ASAP2: variants seen among roughly 807,000 people sequenced by gnomAD.
The protein encoded by ASAP2 is ArfGAP with SH3 domain, ankyrin repeat and PH domain 2.
Under a neutral mutation model 131.4 loss-of-function variants are expected in ASAP2, and 45 were observed. The ratio of observed to expected loss-of-function variants is 0.34; its 90% CI spans 0.27 to 0.44. The LOEUF (loss-of-function observed/expected upper bound fraction) is 0.44, where lower values mean the gene tolerates loss of function less well. Among genes scored for constraint, ASAP2 ranks in the 20% least tolerant of loss-of-function variants. ASAP2 has a pLI of 1.00. For missense variants in ASAP2, 1,011 were observed against 1,297.0 expected, an observed-to-expected ratio of 0.78 and a Z score of 3.39; for synonymous variants, 510 against 503.0, an observed-to-expected ratio of 1.01 and a Z score of -0.19.
At chr2:9,245,142 TA>T (rs1664249674) in intron 1 of ASAP2, among the ~76,000 whole-genome samples, 1 of 152,232 alleles carries the variant, frequency 6.6e-6, no homozygotes. Context: ...ATATTGTTAT[TA>T]ATAGAGATTC....
chr2:9,298,742 G>A (rs1425333477), intron 3 of ASAP2, among the ~76,000 whole-genome samples: 2 of 152,168 alleles, frequency 1.3e-5, no homozygotes, highest in Non-Finnish European at 2.9e-5. Flanking sequence ...GGCGTCTCCT[G>A]GTAGAAAAGT....
chr2:9,295,615 A>C (rs1256844177), intron 2 of ASAP2, among the ~76,000 whole-genome samples: 1 of 152,208 alleles, frequency 6.6e-6, no homozygotes, highest in African/African-American at 2.4e-5. Context: ...ACTGGAACCT[A>C]GATCTTCTGA....
intron 1 of ASAP2, among the ~76,000 whole-genome samples, chr2:9,264,794 G>T (rs1456155047): frequency 6.6e-6 from 1 of 152,044 alleles, no homozygotes; most frequent in Admixed American, 6.6e-5. Context: ...GTCTCAAGGG[G>T]AAAATATTCA....
In ASAP2 at chr2:9,389,897, G is replaced by C. The variant is rs1016380087; in HGVS notation, c.2384-1165G>C. 2.6e-5 allele frequency among the ~76,000 whole-genome samples: 4 copies of C among 152,168 alleles called. No homozygotes were observed. The highest frequency in any genetic ancestry group is 9.7e-5 in the African/African-American group (4 of 41,436). On this transcript the variant is annotated intron_variant, in intron 22 of 27. Transcript: ENST00000281419. This position sits in a 1 kb window ranked among gnomAD's most constrained non-coding sequence, Gnocchi z 4.7. ...AGGCTGGCTGGTCGGGGCCCAGGGT[G>C]GGTGCGGCTTTCTCCCCGCCTCTCC...
intron 19 of ASAP2, 90 bp downstream of exon 19, chr2:9,379,149 G>GTTGGCCCTGTTT: frequency 7.8e-6 from 7 of 896,602 alleles, no homozygotes; most frequent in South Asian, 2.9e-5. Flanking sequence ...TGGAAACAGG[G>GTTGGCCCTGTTT]CCAACCCTGT....
At chr2:9,252,529 A>G (rs951078081) in intron 1 of ASAP2, among the ~76,000 whole-genome samples, 7 of 151,650 alleles carry the variant, frequency 4.6e-5, no homozygotes, top group South Asian at 4.2e-4. Context: ...TGCTGAGATC[A>G]CACCACTGCA....
At chr2:9,330,774 C>T (rs1244519546) in intron 7 of ASAP2, among the ~76,000 whole-genome samples, 5 of 152,166 alleles carry the variant, frequency 3.3e-5, no homozygotes, top group African/African-American at 4.8e-5. Context: ...TTCCTTCCCC[C>T]GCCCCTTTAT....
chr2:9,226,371 G>A (rs180826763), intron 1 of ASAP2, among the ~76,000 whole-genome samples: 1 of 152,122 alleles, frequency 6.6e-6, no homozygotes, highest in African/African-American at 2.4e-5. Flanking sequence ...TGCAGGGAGC[G>A]GGGTCACCTC....
chr2:9,367,462 GT>G (rs1673569749), intron 15 of ASAP2, among the ~76,000 whole-genome samples: 2 of 152,086 alleles, frequency 1.3e-5, no homozygotes, highest in Admixed American at 6.5e-5. Context: ...TTCATTAAAC[GT>G]TTAAGAATCT....
chr2:9,223,802 G>C (rs1443663762), intron 1 of ASAP2, among the ~76,000 whole-genome samples: 1 of 152,146 alleles, frequency 6.6e-6, no homozygotes. Context: ...GGGAGGGGAA[G>C]AGAGGAGTTA....
At chr2:9,318,975 TG>T (rs750760474) in intron 4 of ASAP2, among the ~76,000 whole-genome samples, 3 of 152,032 alleles carry the variant, frequency 2.0e-5, no homozygotes, top group Non-Finnish European at 4.4e-5. Context: ...CTAGCAAGGG[TG>T]TATTTTCCTG....
intron 1 of ASAP2, among the ~76,000 whole-genome samples, chr2:9,261,055 G>A (rs560610612): frequency 4.6e-5 from 7 of 152,280 alleles, no homozygotes; most frequent in Non-Finnish European, 8.8e-5. Context: ...GGTGGCAGGA[G>A]CTGGCTTGTG....
At chr2:9,364,710 C>T (rs1247628045) in intron 15 of ASAP2, among the ~76,000 whole-genome samples, 1 of 152,176 alleles carries the variant, frequency 6.6e-6, no homozygotes, top group African/African-American at 2.4e-5. Context: ...AAGAACTTAA[C>T]GACTTACAAC....
rs187661841 is a variant in ASAP2 at position 9,334,308 on chromosome 2, C to G, written c.687-430C>G. Among the ~76,000 whole-genome samples, 435 of 151,868 alleles carry G rather than the reference C, an allele frequency of 2.9e-3. 3 individuals carry two copies. Among genetic ancestry groups the G allele is most frequent in the African/African-American group, 0.01 (420 of 41,384 alleles). On this transcript the variant is annotated intron_variant, in intron 7 of 27. Transcript: ENST00000281419. ...TAGTGATCCTCCCACCTTGGCCTCC[C>G]CAAGTCCCTCACCCTGGGATTATAG...
chr2:9,292,290 A>T lies in ASAP2; in HGVS notation c.200-5010A>T, dbSNP rs115368949. ...GCGTGGTGGCTTTGGGAGGCTGAGGAGGGTGGATCATGAGATCAGGAGTTC... is the reference window on the plus strand; with the variant it reads ...GCGTGGTGGCTTTGGGAGGCTGAGGTGGGTGGATCATGAGATCAGGAGTTC... On this transcript the variant is annotated intron_variant, in intron 2 of 27. Coordinates refer to ENST00000281419, the MANE Select transcript of ASAP2 (RefSeq NM_003887.3). 4.3e-3 allele frequency among the ~76,000 whole-genome samples: 654 copies of T among 152,054 alleles called. 6 individuals carry two copies. The highest frequency in any genetic ancestry group is 0.015 in the African/African-American group (608 of 41,494).
intron 2 of ASAP2, among the ~76,000 whole-genome samples, chr2:9,289,478 GA>G (rs1013944662): frequency 1.3e-5 from 2 of 152,142 alleles, no homozygotes; most frequent in African/African-American, 4.8e-5. Flanking sequence ...AGCACACAAT[GA>G]ATGAATAAAA....
intron 4 of ASAP2, among the ~76,000 whole-genome samples, chr2:9,319,051 C>G (rs1412250874): frequency 1.3e-5 from 2 of 152,168 alleles, no homozygotes; most frequent in Non-Finnish European, 2.9e-5. Context: ...AGGATGTTGG[C>G]TGTTTAGGAC....
At chr2:9,317,550 A>C (rs62639386) in intron 3 of ASAP2, among the ~76,000 whole-genome samples, 44,055 of 147,480 alleles carry the variant, frequency 0.3, 6,798 homozygotes, top group Non-Finnish European at 0.36. Flanking sequence ...AATCTCTCAC[A>C]TCCACAATCA....
At chr2:9,309,438 T>C (rs1669153957) in intron 3 of ASAP2, among the ~76,000 whole-genome samples, 1 of 152,182 alleles carries the variant, frequency 6.6e-6, no homozygotes, top group African/African-American at 2.4e-5. Context: ...GAAAGTGCAG[T>C]GTTCTCTGGC....
Sources: allele counts gnomAD v4.1 joint callset (sites outside exome capture counted in the v4.1 genomes callset), GRCh38; gene constraint gnomAD v4.1.1; non-coding constraint Gnocchi (gnomAD v3.1); transcripts MANE v1.5; gene names NCBI Gene and HGNC (gene_info 2026-07-23, HGNC 2026-07-21).